SGIP1: variants seen among roughly 807,000 people sequenced by gnomAD.
The protein encoded by SGIP1 is SH3GL interacting endocytic adaptor 1.
SGIP1 carries 38 observed loss-of-function variants against 107.5 expected under a neutral mutation model. That is an observed-to-expected ratio of 0.35 (90% CI 0.27 to 0.46). SGIP1 has a LOEUF of 0.46. SGIP1 is among the 20% of genes least tolerant of loss of function. SGIP1 has a pLI of 1.00. For synonymous variants in SGIP1, 365 were observed against 366.1 expected (o/e 1.00, Z 0.03); for missense variants, 929 against 1,019.5 (o/e 0.91, Z 1.21).
Position 66,682,266 on chromosome 1 carries a change from G to A in SGIP1, c.1212G>A (p.Gly404=), listed in dbSNP as rs1434151867. Residue 404 remains glycine (G), a synonymous_variant, in exon 15 of 25, where the codon GGG becomes GGA. Transcript: ENST00000371037. ...CAATCTCATCTCCTAAAGATTTTGGGTTGGGACAAAGAGCAACTCCACCTC... is the reference window on the plus strand; with the variant it reads ...CAATCTCATCTCCTAAAGATTTTGGATTGGGACAAAGAGCAACTCCACCTC... ...LETISSPKDF[G]LGQRATPPPP... 1.9e-6 allele frequency: 3 copies of A among 1,614,174 alleles called. No homozygotes were observed. Among genetic ancestry groups the A allele is most frequent in the South Asian group, 2.2e-5 (2 of 91,084 alleles).
In SGIP1 at chr1:66,670,981, A is replaced by G. The variant is rs753685035; in HGVS notation, c.484-14A>G. 1.5e-6 allele frequency: 2 copies of G among 1,336,616 alleles called. No individual in the cohort carries two copies. Among genetic ancestry groups the G allele is most frequent in the South Asian group, 1.4e-5 (1 of 71,066 alleles). 82.8% of individuals were successfully genotyped at this position (1,336,616 alleles called of 1,614,324 possible). On this transcript the variant is annotated splice_polypyrimidine_tract_variant and intron_variant, in intron 9 of 24. Transcript: ENST00000371037. ...TGTGGTCTTAAACCTTATAGTGTCT[A>G]TTTCTAATTCTAGGGTGCAATTAAA...
intron 1 of SGIP1, among the ~76,000 whole-genome samples, chr1:66,551,015 A>G (rs1242619007): frequency 6.6e-6 from 1 of 152,188 alleles, no homozygotes; most frequent in East Asian, 1.9e-4. Flanking sequence ...GACAGTGATA[A>G]TAACTAAGAT....
At chr1:66,570,879 C>G (rs2060287687) in intron 1 of SGIP1, among the ~76,000 whole-genome samples, 1 of 151,890 alleles carries the variant, frequency 6.6e-6, no homozygotes, top group Non-Finnish European at 1.5e-5. Flanking sequence ...CAGGTCATAT[C>G]CACTTCATCT....
At chr1:66,577,125 C>T (rs748380907) in intron 1 of SGIP1, among the ~76,000 whole-genome samples, 8 of 152,194 alleles carry the variant, frequency 5.3e-5, no homozygotes, top group Non-Finnish European at 1.0e-4. Context: ...AGATGAAGTG[C>T]AGGTTGCTAC....
Position 66,719,261 on chromosome 1 carries a change from T to G in SGIP1, c.1631-33T>G, listed in dbSNP as rs768222440. On this transcript the variant is annotated intron_variant, in intron 18 of 24. Coordinates refer to ENST00000371037, the MANE Select transcript of SGIP1 (RefSeq NM_032291.4). ...ACATATACTAAAGTGTCTCCTATTT[T>G]CATAATAAATGAAAATTTTTCATTT... The G allele has an allele frequency of 1.5e-5, 22 of 1,476,834 alleles. No individual in the cohort carries two copies. The African/African-American group carries it at 2.9e-4, about 20-fold the overall frequency. The allele number at this position is 1,476,834 out of a possible 1,614,324, so 91.5% of individuals were successfully genotyped here.
At chr1:66,664,063 A>T (rs10493413) in intron 8 of SGIP1, among the ~76,000 whole-genome samples, 11,693 of 152,178 alleles carry the variant, frequency 0.077, 468 homozygotes, top group South Asian at 0.098. Flanking sequence ...GCTATATTTT[A>T]AAAGTGAATT....
chr1:66,632,156 C>A (rs564791745), intron 2 of SGIP1, among the ~76,000 whole-genome samples: 1 of 152,286 alleles, frequency 6.6e-6, no homozygotes, highest in Non-Finnish European at 1.5e-5. Context: ...ATTGTAAGTT[C>A]TCTCTATATA....
At chr1:66,579,027 T>G (rs1047440203) in intron 1 of SGIP1, among the ~76,000 whole-genome samples, 1 of 152,196 alleles carries the variant, frequency 6.6e-6, no homozygotes, top group Admixed American at 6.5e-5. Flanking sequence ...GACTGATGAT[T>G]CAGAGACACA....
chr1:66,668,629 T>G (rs1176635040), intron 9 of SGIP1, among the ~76,000 whole-genome samples: 1 of 152,204 alleles, frequency 6.6e-6, no homozygotes, highest in Non-Finnish European at 1.5e-5. Context: ...CCTGTGCCAA[T>G]CCAATTAGTC....
At chr1:66,554,032 A>G (rs1399966623) in intron 1 of SGIP1, among the ~76,000 whole-genome samples, 1 of 152,076 alleles carries the variant, frequency 6.6e-6, no homozygotes, top group Non-Finnish European at 1.5e-5. Flanking sequence ...TGACTCTCTC[A>G]CTGAATCACA....
intron 20 of SGIP1, among the ~76,000 whole-genome samples, chr1:66,730,317 C>G (rs993850349): frequency 1.3e-5 from 2 of 151,742 alleles, no homozygotes; most frequent in African/African-American, 2.4e-5. Flanking sequence ...AATTTGATGT[C>G]TTTATTATGC....
chr1:66,673,378 A>C lies in SGIP1; in HGVS notation c.646+12A>C. 1 of 1,585,706 alleles carries C rather than the reference A, an allele frequency of 6.3e-7. No individual in the cohort carries two copies. Among genetic ancestry groups the C allele is most frequent in the South Asian group, 1.2e-5 (1 of 84,894 alleles). On this transcript the variant is annotated intron_variant, in intron 12 of 24. Coordinates refer to ENST00000371037, the MANE Select transcript of SGIP1 (RefSeq NM_032291.4). ...ACAGAAGACAGAAGGTAGGAAAAGAAACTCCATATATTATAGATTTGTTTT... is the reference window on the plus strand; with the variant it reads ...ACAGAAGACAGAAGGTAGGAAAAGACACTCCATATATTATAGATTTGTTTT...
Position 66,740,673 on chromosome 1 carries a change from G to T in SGIP1, c.2250G>T (p.Gln750His). ...TTATTTTTAGGAATGCTGAACAACA[G>T]AGAATATTGTGGAAGATTCCTGATA... ...LPPAVWNAEQ[Q>H]RILWKIPDIS... Residue 750 changes from glutamine (Q) to histidine (H), a missense_variant, in exon 23 of 25, where the codon CAG becomes CAT. Gln to His is a conservative substitution (Grantham distance 24, BLOSUM62 0). Coordinates refer to ENST00000371037, the MANE Select transcript of SGIP1 (RefSeq NM_032291.4). 6.2e-7 allele frequency: 1 copy of T among 1,607,730 alleles called. No homozygotes were observed.
At chr1:66,537,008 A>G (rs2147969061) in intron 1 of SGIP1, among the ~76,000 whole-genome samples, 1 of 152,282 alleles carries the variant, frequency 6.6e-6, no homozygotes, top group East Asian at 1.9e-4. Flanking sequence ...AACAGGATAT[A>G]GGCTCCATTC....
intron 18 of SGIP1, among the ~76,000 whole-genome samples, chr1:66,711,890 T>G (rs1038975844): frequency 6.6e-6 from 1 of 152,154 alleles, no homozygotes; most frequent in Non-Finnish European, 1.5e-5. Flanking sequence ...AGATCCTTCC[T>G]TGGATAAGAT....
At chr1:66,676,220 G>A (rs2085295433) in intron 12 of SGIP1, among the ~76,000 whole-genome samples, 1 of 152,186 alleles carries the variant, frequency 6.6e-6, no homozygotes, top group Non-Finnish European at 1.5e-5. Flanking sequence ...CAGTGCAGAG[G>A]ATAGATTCAA....
rs1159475184 is a variant in SGIP1, at chr1:66,745,889, A to C, written c.*2794A>C. The stretch of plus-strand genomic sequence containing the variant: ...ATTAGTCTGAATTTTATCATAATAG[A>C]AATTTATAATTACTAAGAATTAAAT... On this transcript the variant is annotated 3_prime_UTR_variant, in exon 25 of 25. Transcript: ENST00000371037. The C allele has an allele frequency of 6.6e-6, 1 of 152,154 alleles. No individual in the cohort carries two copies. The highest frequency in any genetic ancestry group is 1.5e-5 in the Non-Finnish European group (1 of 67,992). The allele number at this position is 152,154 out of a possible 1,614,324, so 9.4% of individuals were successfully genotyped here.
At chr1:66,710,971 C>G (rs2092877067) in intron 18 of SGIP1, among the ~76,000 whole-genome samples, 1 of 152,102 alleles carries the variant, frequency 6.6e-6, no homozygotes, top group East Asian at 1.9e-4. Flanking sequence ...GAATCAAAGC[C>G]AAACCTAAAT....
chr1:66,695,941 T>G (rs867785521), intron 18 of SGIP1, among the ~76,000 whole-genome samples: 7 of 152,174 alleles, frequency 4.6e-5, no homozygotes, highest in African/African-American at 1.4e-4. Flanking sequence ...TTGTAAAATC[T>G]AAATATGTAA....
Sources: gnomAD v4.1 joint callset for allele counts (sites outside exome capture counted in the v4.1 genomes callset) on GRCh38, gnomAD v4.1.1 for gene constraint, MANE v1.5 for transcripts, NCBI Gene and HGNC (gene_info 2026-07-23, HGNC 2026-07-21) for gene names.